The following GRIN2B variants were observed in gnomAD, a reference collection of about 807,000 sequenced individuals.
GRIN2B encodes glutamate receptor ionotropic, NMDA 2B.
Under a neutral mutation model 114.5 loss-of-function variants are expected in GRIN2B, and 5 were observed. That is an observed-to-expected ratio of 0.04 (90% confidence interval 0.02 to 0.09). GRIN2B has a LOEUF of 0.09. Among genes scored for constraint, GRIN2B ranks in the 10% least tolerant of loss-of-function variants. GRIN2B has a pLI of 1.00. For missense variants in GRIN2B, 1,108 were observed against 1,943.5 expected (o/e 0.57, Z 8.08); for synonymous variants, 787 against 745.1 (o/e 1.06, Z -0.92).
intron 3 of GRIN2B, among the ~76,000 whole-genome samples, chr12:13,843,466 A>T (rs904540415): frequency 2.0e-5 from 3 of 152,174 alleles, no homozygotes; most frequent in Non-Finnish European, 4.4e-5. Flanking sequence ...AAGCTTCTTC[A>T]AAGTAAAGAT....
chr12:13,954,580 C>A (rs565889855), intron 2 of GRIN2B, among the ~76,000 whole-genome samples: 2 of 151,752 alleles, frequency 1.3e-5, no homozygotes, highest in African/African-American at 4.8e-5. Flanking sequence ...GAGGCCGAGG[C>A]GGGTGGATCA....
At chr12:13,962,035 C>A (rs553170827) in intron 2 of GRIN2B, among the ~76,000 whole-genome samples, 3 of 151,080 alleles carry the variant, frequency 2.0e-5, no homozygotes, top group African/African-American at 7.3e-5. Flanking sequence ...GTTCTTATAC[C>A]CTGTGAAGAA....
chr12:13,644,843 C>G (rs1430856523), intron 5 of GRIN2B, among the ~76,000 whole-genome samples: 1 of 152,140 alleles, frequency 6.6e-6, no homozygotes, highest in East Asian at 1.9e-4. Context: ...TCTACAGCTT[C>G]CTCACCTCTC....
intron 10 of GRIN2B, among the ~76,000 whole-genome samples, chr12:13,574,465 T>C (rs930708486): frequency 2.6e-5 from 4 of 152,222 alleles, no homozygotes; most frequent in African/African-American, 9.7e-5. Context: ...GGGCCCAAGG[T>C]ATTTTCTGAA....
chr12:13,946,951 C>T lies in GRIN2B; in HGVS notation c.-19+32977G>A, dbSNP rs545371835. On this transcript the variant is annotated intron_variant, in intron 2 of 13. Coordinates refer to ENST00000609686, the MANE Select transcript of GRIN2B (RefSeq NM_000834.5). ...GAAGTGTTTTCACCTTTGAGCGATG[C>T]ATATAGTAAAATTTGGGTAAGTGAG... Among the ~76,000 whole-genome samples, 6 of 152,152 alleles carry T rather than the reference C, an allele frequency of 3.9e-5. No individual in the cohort carries two copies. The South Asian group carries it at 1.2e-3, about 32-fold the overall frequency.
At chr12:13,736,164 A>C (rs1426786879) in intron 4 of GRIN2B, among the ~76,000 whole-genome samples, 1 of 150,308 alleles carries the variant, frequency 6.7e-6, no homozygotes, top group Non-Finnish European at 1.5e-5. Context: ...GCGGGAATAA[A>C]CAGGTGGCCA....
At chr12:13,662,624 T>C (rs573903251) in intron 5 of GRIN2B, among the ~76,000 whole-genome samples, 1 of 152,268 alleles carries the variant, frequency 6.6e-6, no homozygotes, top group South Asian at 2.1e-4. Flanking sequence ...TTGTTGGTCT[T>C]GTTCAATACT....
At chr12:13,924,334 G>A (rs1591624087) in intron 2 of GRIN2B, among the ~76,000 whole-genome samples, 1 of 152,302 alleles carries the variant, frequency 6.6e-6, no homozygotes. Context: ...AGAGTCTAAG[G>A]GAACCAACAA....
intron 10 of GRIN2B, among the ~76,000 whole-genome samples, chr12:13,592,409 C>T (rs58829609): frequency 0.08 from 12,244 of 152,218 alleles, 526 homozygotes; most frequent in African/African-American, 0.097. Context: ...AACTCCCCTC[C>T]ATCCCCTGCA....
At chr12:13,768,118 A>G (rs1242959293) in intron 3 of GRIN2B, among the ~76,000 whole-genome samples, 1 of 152,264 alleles carries the variant, frequency 6.6e-6, no homozygotes, top group Non-Finnish European at 1.5e-5. Context: ...TAGAGTCAGA[A>G]TTAGTTAAGC....
intron 2 of GRIN2B, among the ~76,000 whole-genome samples, chr12:13,904,952 A>G (rs1266002080): frequency 6.6e-6 from 1 of 152,076 alleles, no homozygotes; most frequent in African/African-American, 2.4e-5. Context: ...TGTTACATAC[A>G]TTTATTTATG....
intron 3 of GRIN2B, among the ~76,000 whole-genome samples, chr12:13,814,236 G>A (rs1032854549): frequency 1.3e-4 from 20 of 152,312 alleles, no homozygotes; most frequent in Admixed American, 5.9e-4. Context: ...ATTGCTTTCC[G>A]TGTTAGAGTA....
intron 3 of GRIN2B, among the ~76,000 whole-genome samples, chr12:13,820,007 TC>T (rs1439070258): frequency 1.3e-5 from 2 of 152,190 alleles, no homozygotes; most frequent in Non-Finnish European, 2.9e-5. Flanking sequence ...GGTCCTACTC[TC>T]CTTGAATCTC....
chr12:13,768,722 A>G (rs900530982), intron 3 of GRIN2B, among the ~76,000 whole-genome samples: 2 of 152,168 alleles, frequency 1.3e-5, no homozygotes, highest in Non-Finnish European at 2.9e-5. Context: ...TGCTCCTGCT[A>G]ATTAAAAGAG....
chr12:13,790,617 A>T (rs1864304523), intron 3 of GRIN2B, among the ~76,000 whole-genome samples: 1 of 152,196 alleles, frequency 6.6e-6, no homozygotes, highest in South Asian at 2.1e-4. Flanking sequence ...ATTTTATAAT[A>T]GTCATCTCCC....
At chr12:13,567,924 C>T (rs1948662322) in intron 12 of GRIN2B, among the ~76,000 whole-genome samples, 1 of 151,886 alleles carries the variant, frequency 6.6e-6, no homozygotes, top group Non-Finnish European at 1.5e-5. Context: ...ATAACATAAT[C>T]AAACGAGTGA....
intron 4 of GRIN2B, among the ~76,000 whole-genome samples, chr12:13,736,300 C>T (rs557652212): frequency 1.3e-5 from 2 of 152,246 alleles, no homozygotes; most frequent in East Asian, 3.9e-4. Context: ...TATGGTGCCT[C>T]TTCCTCTCCC....
intron 2 of GRIN2B, among the ~76,000 whole-genome samples, chr12:13,900,212 G>A (rs1242399874): frequency 2.6e-5 from 4 of 152,130 alleles, no homozygotes; most frequent in Non-Finnish European, 5.9e-5. Context: ...GGTGGCTCAT[G>A]CCTGTAATCC....
At chr12:13,633,322 C>T (rs901687249) in intron 5 of GRIN2B, among the ~76,000 whole-genome samples, 1 of 152,200 alleles carries the variant, frequency 6.6e-6, no homozygotes, top group African/African-American at 2.4e-5. Flanking sequence ...GGGCAGAACC[C>T]AGCAATCTGG....
Sources: allele counts gnomAD v4.1 joint callset (sites outside exome capture counted in the v4.1 genomes callset), GRCh38; gene constraint gnomAD v4.1.1; transcripts MANE v1.5; gene names NCBI Gene and HGNC (gene_info 2026-07-23, HGNC 2026-07-21).